PACRG: variants seen among roughly 807,000 people sequenced by gnomAD.
The protein encoded by PACRG is parkin coregulated, also known as parkin coregulated gene protein.
PACRG carries 29 observed loss-of-function variants against 29.7 expected under a neutral mutation model. The ratio of observed to expected loss-of-function variants is 0.98; its 90% confidence interval spans 0.73 to 1.33. The LOEUF (loss-of-function observed/expected upper bound fraction) is 1.33, where lower values mean the gene tolerates loss of function less well. Ranked by LOEUF, PACRG falls within the 40% of genes most tolerant of loss-of-function variation. The pLI is 0.00. For missense variants in PACRG, 279 were observed against 316.2 expected, an observed-to-expected ratio of 0.88 and a Z score of 0.89; for synonymous variants, 116 against 118.7, an observed-to-expected ratio of 0.98 and a Z score of 0.15.
At chr6:162,886,936 C>A (rs558700821) in intron 2 of PACRG, among the ~76,000 whole-genome samples, 1 of 152,282 alleles carries the variant, frequency 6.6e-6, no homozygotes, top group South Asian at 2.1e-4. Flanking sequence ...GAGACAGAGT[C>A]TCACCCTGTT....
chr6:163,128,856 G>C (rs1475635713), intron 4 of PACRG, among the ~76,000 whole-genome samples: 1 of 152,130 alleles, frequency 6.6e-6, no homozygotes, highest in African/African-American at 2.4e-5. Context: ...AGAAGTAACT[G>C]CTCCTTACAT....
intron 4 of PACRG, among the ~76,000 whole-genome samples, chr6:163,272,900 T>TTTTTTTTTTTG (rs1783889684): frequency 8.3e-6 from 1 of 120,190 alleles, no homozygotes; most frequent in Non-Finnish European, 1.7e-5. Flanking sequence ...TTCTTTTTTT[T>TTTTTTTTTTTG]TTTTTTTTTG....
intron 4 of PACRG, among the ~76,000 whole-genome samples, chr6:163,206,314 A>G (rs750533842): frequency 6.6e-6 from 1 of 152,162 alleles, no homozygotes; most frequent in African/African-American, 2.4e-5. Flanking sequence ...ATCAACCTAA[A>G]TGCCCATCAG....
chr6:163,269,700 C>T (rs1169159313), intron 4 of PACRG, among the ~76,000 whole-genome samples: 1 of 147,026 alleles, frequency 6.8e-6, no homozygotes, highest in East Asian at 2.0e-4. Flanking sequence ...ATTCAAGTAT[C>T]CATATGAAAG....
chr6:162,823,715 G>A (rs564299739), intron 2 of PACRG, among the ~76,000 whole-genome samples: 41 of 151,986 alleles, frequency 2.7e-4, no homozygotes, highest in African/African-American at 7.7e-4. Flanking sequence ...GGATTTCACC[G>A]TGTTAGCCAA....
At chr6:163,231,042 C>T (rs1321802171) in intron 4 of PACRG, among the ~76,000 whole-genome samples, 2 of 152,208 alleles carry the variant, frequency 1.3e-5, no homozygotes, top group Non-Finnish European at 2.9e-5. Flanking sequence ...GCAAAGGCAA[C>T]GGCTCCTCTG....
intron 2 of PACRG, among the ~76,000 whole-genome samples, chr6:163,057,483 T>A (rs1810700425): frequency 6.6e-6 from 1 of 152,142 alleles, no homozygotes; most frequent in Non-Finnish European, 1.5e-5. Context: ...TTGCGCAATC[T>A]TGGCTCACTA....
chr6:163,074,595 A>G lies in PACRG; in HGVS notation c.463+12274A>G, dbSNP rs1812371673. ...AGTAACATAAAGAATAAATGCTGGA[A>G]GTGATGAATACCTCATTTACCCTGA... On this transcript the variant is annotated intron_variant, in intron 3 of 4. Transcript: ENST00000366888. 2.0e-5 allele frequency among the ~76,000 whole-genome samples: 3 copies of G among 152,222 alleles called. No homozygotes were observed. In the South Asian group the frequency reaches 6.2e-4, roughly 32 times the overall value.
chr6:162,883,553 T>G (rs1444125054), intron 2 of PACRG, among the ~76,000 whole-genome samples: 2 of 152,198 alleles, frequency 1.3e-5, no homozygotes, highest in African/African-American at 2.4e-5. Context: ...TACCCTCTTT[T>G]TAATCACATC....
chr6:163,061,446 G>C (rs958493047), intron 2 of PACRG, among the ~76,000 whole-genome samples: 5 of 152,312 alleles, frequency 3.3e-5, no homozygotes, highest in South Asian at 4.1e-4. Context: ...GGACATGGAG[G>C]GACACTGAGG....
At position 163,314,588 on chromosome 6, in the gene PACRG, T is replaced by C. The variant is rs548292828; in HGVS notation, c.614-239T>C. Reference sequence around the variant, plus strand: ...CTTGTCATCTTTCTTGTAACTGTGATTCACTTACTTTTGTTTACTCTGTTA... The same window carrying C: ...CTTGTCATCTTTCTTGTAACTGTGACTCACTTACTTTTGTTTACTCTGTTA... On this transcript the variant is annotated intron_variant, in intron 4 of 4. Coordinates refer to ENST00000366888, the MANE Select transcript of PACRG (RefSeq NM_001080379.2). 1.1e-4 allele frequency among the ~76,000 whole-genome samples: 16 copies of C among 152,344 alleles called. 2 individuals carry two copies. In the South Asian group the frequency reaches 3.1e-3, roughly 30 times the overall value.
At chr6:163,068,565 C>A (rs946888444) in intron 3 of PACRG, among the ~76,000 whole-genome samples, 8 of 150,750 alleles carry the variant, frequency 5.3e-5, no homozygotes, top group African/African-American at 2.0e-4. Context: ...TTATGTGTTA[C>A]TTCTTTAACA....
intron 4 of PACRG, among the ~76,000 whole-genome samples, chr6:163,221,399 T>C (rs1490367835): frequency 6.6e-6 from 1 of 152,250 alleles, no homozygotes; most frequent in African/African-American, 2.4e-5. Flanking sequence ...CTGCAAACTT[T>C]GTACACGTGC....
chr6:162,733,553 C>T (rs574455682), intron 1 of PACRG, among the ~76,000 whole-genome samples: 2 of 152,054 alleles, frequency 1.3e-5, no homozygotes, highest in South Asian at 2.1e-4. Context: ...TTGAGAAGGC[C>T]GAATCATGGC....
intron 2 of PACRG, among the ~76,000 whole-genome samples, chr6:162,970,254 C>T (rs1268483633): frequency 6.6e-6 from 1 of 152,148 alleles, no homozygotes; most frequent in Non-Finnish European, 1.5e-5. Flanking sequence ...CCAGAAATGG[C>T]TTGAAATGCC....
intron 4 of PACRG, among the ~76,000 whole-genome samples, chr6:163,243,284 A>G (rs1232679262): frequency 6.6e-6 from 1 of 152,232 alleles, no homozygotes; most frequent in East Asian, 1.9e-4. Flanking sequence ...AGTCACTGTG[A>G]GGACAGAAGT....
chr6:163,147,107 T>C (rs1777832719), intron 4 of PACRG, among the ~76,000 whole-genome samples: 1 of 152,218 alleles, frequency 6.6e-6, no homozygotes, highest in Non-Finnish European at 1.5e-5. Flanking sequence ...GAGGACATCT[T>C]ATCCTCCTTC....
intron 1 of PACRG, among the ~76,000 whole-genome samples, chr6:162,795,270 T>C (rs1414684466): frequency 6.6e-6 from 1 of 152,166 alleles, no homozygotes; most frequent in Non-Finnish European, 1.5e-5. Context: ...TGCTGGCCGC[T>C]GTATGACTCT....
At chr6:163,171,097 TC>T (rs528492496) in intron 4 of PACRG, among the ~76,000 whole-genome samples, 71 of 152,348 alleles carry the variant, frequency 4.7e-4, no homozygotes, top group Non-Finnish European at 8.7e-4. Flanking sequence ...AAATGCAGGT[TC>T]GACCATAATT....
Sources: allele counts gnomAD v4.1 joint callset (sites outside exome capture counted in the v4.1 genomes callset), GRCh38; gene constraint gnomAD v4.1.1; transcripts MANE v1.5; gene names NCBI Gene and HGNC (gene_info 2026-07-23, HGNC 2026-07-21).